DOK5: variants seen among roughly 807,000 people sequenced by gnomAD.
DOK5 encodes the protein docking protein 5, also known as downstream of tyrosine kinase 5.
In DOK5, 27 loss-of-function variants were observed where a neutral mutation model predicts 43.3. The ratio of observed to expected loss-of-function variants is 0.62; its 90% CI spans 0.46 to 0.86. The LOEUF (loss-of-function observed/expected upper bound fraction) is 0.86, where lower values mean the gene tolerates loss of function less well. Ranked by LOEUF, DOK5 falls within the 40% of genes least tolerant of loss-of-function variation. DOK5 has a pLI of 0.00. For synonymous variants in DOK5, 146 were observed against 140.1 expected, an observed-to-expected ratio of 1.04 and a Z score of -0.30; for missense variants, 373 against 392.9, an observed-to-expected ratio of 0.95 and a Z score of 0.43.
intron 1 of DOK5, among the ~76,000 whole-genome samples, chr20:54,541,984 C>A (rs1244618992): frequency 6.6e-6 from 1 of 151,858 alleles, no homozygotes; most frequent in Non-Finnish European, 1.5e-5. Context: ...ATGAGAACTT[C>A]CCTGATCATC....
intron 2 of DOK5, among the ~76,000 whole-genome samples, chr20:54,578,523 T>C (rs1285267965): frequency 6.6e-6 from 1 of 152,182 alleles, no homozygotes; most frequent in East Asian, 1.9e-4. Context: ...AGAAGTTATT[T>C]TGATTTTCTA....
intron 1 of DOK5, among the ~76,000 whole-genome samples, chr20:54,477,881 G>A (rs1480240212): frequency 6.6e-6 from 1 of 152,200 alleles, no homozygotes; most frequent in South Asian, 2.1e-4. Flanking sequence ...TGGTAACTGA[G>A]ATTATTTTTT....
At position 54,618,090 on chromosome 20, in the gene DOK5, T is replaced by C. The variant is rs563316074; in HGVS notation, c.735+7567T>C. Among the ~76,000 whole-genome samples the C allele has an allele frequency of 9.2e-5, 14 of 152,304 alleles. No homozygotes were observed. The South Asian group carries it at 2.9e-3, about 32-fold the overall frequency. Reference sequence around the variant, plus strand: ...TTGAGGCCTATGCTCCTACAGGGCTTACAATGGAAAAGAATATTCATGATC... The same window carrying C: ...TTGAGGCCTATGCTCCTACAGGGCTCACAATGGAAAAGAATATTCATGATC... On this transcript the variant is annotated intron_variant, in intron 6 of 7. Coordinates refer to ENST00000262593, the MANE Select transcript of DOK5 (RefSeq NM_018431.5).
chr20:54,522,719 C>T (rs147266434), intron 1 of DOK5, among the ~76,000 whole-genome samples: 2,267 of 151,688 alleles, frequency 0.015, 58 homozygotes, highest in African/African-American at 0.052. Context: ...TTCACCATGT[C>T]GGCCAGGCTG....
At chr20:54,524,533 G>A (rs1983517186) in intron 1 of DOK5, among the ~76,000 whole-genome samples, 1 of 152,148 alleles carries the variant, frequency 6.6e-6, no homozygotes. Flanking sequence ...CTCAGGACCT[G>A]CCTTCTCTCC....
chr20:54,594,678 C>A (rs928859736), intron 5 of DOK5, among the ~76,000 whole-genome samples: 1 of 151,930 alleles, frequency 6.6e-6, no homozygotes, highest in Non-Finnish European at 1.5e-5. Context: ...ATTTTAAAAT[C>A]TTTTTTTATT....
rs550943378 is a variant in DOK5 at position 54,645,925 on chromosome 20, C to CAAAAAAAAAAAAAAAAA, written c.856+2362_856+2378dup. On this transcript the variant is annotated intron_variant, in intron 7 of 7. Transcript: ENST00000262593. ...AGAGCATGGCACATAGCAGATGCTGCAAAAAAAAAAAAAAAAAAAAAAAAA... is the reference window on the plus strand; with the variant it reads ...AGAGCATGGCACATAGCAGATGCTGCAAAAAAAAAAAAAAAAAAAAAAAAAAAAAAAAAAAAAAAAAA... Among the ~76,000 whole-genome samples, 46 of 85,876 alleles carry CAAAAAAAAAAAAAAAAA rather than the reference C, an allele frequency of 5.4e-4. 7 individuals carry two copies. Among genetic ancestry groups the CAAAAAAAAAAAAAAAAA allele is most frequent in the African/African-American group, 1.3e-3 (30 of 23,152 alleles). The allele number at this position is 85,876 out of a possible 152,430, so 56.3% of individuals were successfully genotyped here.
intron 2 of DOK5, among the ~76,000 whole-genome samples, chr20:54,575,700 C>A (rs1171063600): frequency 1.3e-5 from 2 of 152,202 alleles, no homozygotes; most frequent in African/African-American, 4.8e-5. Context: ...CTTGGCCTCC[C>A]AAGGTGCTGG....
intron 1 of DOK5, among the ~76,000 whole-genome samples, chr20:54,554,516 A>G (rs757035249): frequency 1.6e-4 from 25 of 152,242 alleles, no homozygotes; most frequent in Non-Finnish European, 3.4e-4. Context: ...CACGACAACC[A>G]TGAGCTGCCA....
intron 1 of DOK5, among the ~76,000 whole-genome samples, chr20:54,554,508 C>T (rs28523944): frequency 0.03 from 4,583 of 152,268 alleles, 231 homozygotes; most frequent in African/African-American, 0.1. Flanking sequence ...AGGAATATCA[C>T]GACAACCATG....
At chr20:54,505,974 G>T (rs1310994797) in intron 1 of DOK5, among the ~76,000 whole-genome samples, 2 of 152,202 alleles carry the variant, frequency 1.3e-5, no homozygotes, top group African/African-American at 4.8e-5. Flanking sequence ...GGGAAGGAAG[G>T]CACTACTGGC....
chr20:54,555,222 A>T (rs1047550110), intron 2 of DOK5, 182 bp downstream of exon 2: 1 of 562,186 alleles, frequency 1.8e-6, no homozygotes, highest in African/African-American at 1.9e-5. Context: ...ATGTAAAGTC[A>T]CTTTTCTGGT....
intron 1 of DOK5, among the ~76,000 whole-genome samples, chr20:54,492,941 GT>G (rs1356044064): frequency 6.6e-6 from 1 of 151,018 alleles, no homozygotes. Context: ...TGTAATCCCA[GT>G]TACTCGAAAG....
chr20:54,634,109 G>T (rs1358393248), intron 6 of DOK5, among the ~76,000 whole-genome samples: 2 of 152,206 alleles, frequency 1.3e-5, no homozygotes, highest in African/African-American at 2.4e-5. Flanking sequence ...CATTTGGCAG[G>T]TATGGCAGAC....
rs563682986 is a variant in DOK5, at chr20:54,487,480, T to C, written c.66+11468T>C. On this transcript the variant is annotated intron_variant, in intron 1 of 7. Transcript: ENST00000262593. Reference sequence around the variant, plus strand: ...GCAAAGTAACTTAATTAATGTTAACTTACAGTGCAGGTATTATATGACCAT... The same window carrying C: ...GCAAAGTAACTTAATTAATGTTAACCTACAGTGCAGGTATTATATGACCAT... 1.4e-4 allele frequency among the ~76,000 whole-genome samples: 21 copies of C among 152,306 alleles called. 1 individual carries two copies. The highest frequency in any genetic ancestry group is 5.1e-4 in the African/African-American group (21 of 41,574).
At chr20:54,544,788 A>C (rs554493124) in intron 1 of DOK5, among the ~76,000 whole-genome samples, 34 of 152,196 alleles carry the variant, frequency 2.2e-4, no homozygotes, top group African/African-American at 7.5e-4. Flanking sequence ...GTCAAGAGTC[A>C]TAGGTCTGGG....
intron 1 of DOK5, among the ~76,000 whole-genome samples, chr20:54,489,820 T>C (rs1050629368): frequency 2.0e-5 from 3 of 152,132 alleles, no homozygotes; most frequent in Admixed American, 1.3e-4. Context: ...ATCATACCCA[T>C]TGGAGAGCCT....
At chr20:54,504,152 T>G (rs1441409495) in intron 1 of DOK5, among the ~76,000 whole-genome samples, 1 of 152,128 alleles carries the variant, frequency 6.6e-6, no homozygotes, top group Admixed American at 6.6e-5. Flanking sequence ...TGGCTAACTT[T>G]GTCCACCTTC....
At chr20:54,643,701 C>A in intron 7 of DOK5, 123 bp downstream of exon 7, 1 of 1,326,936 alleles carries the variant, frequency 7.5e-7, no homozygotes, top group South Asian at 1.5e-5. Context: ...AAAGGTAGGA[C>A]CCCCATCAAG....
Sources: allele counts gnomAD v4.1 joint callset (sites outside exome capture counted in the v4.1 genomes callset), GRCh38; gene constraint gnomAD v4.1.1; transcripts MANE v1.5; gene names NCBI Gene and HGNC (gene_info 2026-07-23, HGNC 2026-07-21).